Variants in MESD observed in about 807,000 individuals in gnomAD.
MESD encodes the protein LRP chaperone MESD.
Under a neutral mutation model 12.9 loss-of-function variants are expected in MESD, and 7 were observed. The observed-to-expected ratio is 0.54, with a 90% CI of 0.31 to 1.02. MESD has a LOEUF of 1.02. MESD is among the 50% of genes least tolerant of loss of function. The pLI, the probability that MESD is intolerant of heterozygous loss-of-function variation, is 0.05. For synonymous variants in MESD, 126 were observed against 115.6 expected, an observed-to-expected ratio of 1.09 and a Z score of -0.58; for missense variants, 342 against 296.7, an observed-to-expected ratio of 1.15 and a Z score of -1.12.
At chr15:80,975,165 T>C (rs1398685223), downstream of MESD, among the ~76,000 whole-genome samples, 1 of 145,288 alleles carries the variant, frequency 6.9e-6, no homozygotes, top group African/African-American at 2.5e-5. Context: ...GAGGATTGCT[T>C]GAGGACCAGC....
intron 1 of MESD, among the ~76,000 whole-genome samples, chr15:80,988,272 G>T (rs1260726649): frequency 6.6e-6 from 1 of 152,166 alleles, no homozygotes; most frequent in Non-Finnish European, 1.5e-5. Flanking sequence ...CTCATGGATG[G>T]GGTAAAAGGA....
chr15:80,962,405 C>T (rs938730011), intron 3 of MESD, among the ~76,000 whole-genome samples: 8 of 152,146 alleles, frequency 5.3e-5, no homozygotes, highest in African/African-American at 9.7e-5. Context: ...GACTTTAACA[C>T]GCCACTGTCA....
At chr15:80,986,795 G>A (rs9806417) in intron 1 of MESD, among the ~76,000 whole-genome samples, 35,786 of 152,104 alleles carry the variant, frequency 0.24, 4,647 homozygotes, top group Middle Eastern at 0.37. Flanking sequence ...GTCTAAGTCA[G>A]TAGCTACAAA....
chr15:80,979,162 T>C lies in MESD; in HGVS notation c.*57A>G. The C allele has an allele frequency of 6.4e-7, 1 of 1,565,654 alleles. No individual in the cohort carries two copies. Among genetic ancestry groups the C allele is most frequent in the Non-Finnish European group, 8.6e-7 (1 of 1,156,844 alleles). ...CTGAGACCACTCCCACCCCAGGAGCTGGGCAAAGAGCTCTCCACGTCCACC... is the reference window on the plus strand; with the variant it reads ...CTGAGACCACTCCCACCCCAGGAGCCGGGCAAAGAGCTCTCCACGTCCACC... On this transcript the variant is annotated 3_prime_UTR_variant, in exon 3 of 3. Transcript: ENST00000261758.
chr15:80,988,857 G>C (rs1893220400), intron 1 of MESD, among the ~76,000 whole-genome samples: 1 of 149,448 alleles, frequency 6.7e-6, no homozygotes, highest in Non-Finnish European at 1.5e-5. Context: ...GGAAAAGGCA[G>C]CAATGTGGTT....
At chr15:80,956,995 TTTA>T (rs1902001334) in intron 3 of MESD, among the ~76,000 whole-genome samples, 2 of 151,592 alleles carry the variant, frequency 1.3e-5, no homozygotes, top group Admixed American at 6.6e-5. Context: ...TATTTATTTA[TTTA>T]TTTTTTTGTA....
rs1902495555 is a variant in MESD, at chr15:80,978,931, C to G, written c.*288G>C. The G allele has an allele frequency of 2.2e-6, 1 of 447,338 alleles. No individual in the cohort carries two copies. Among genetic ancestry groups the G allele is most frequent in the East Asian group, 4.1e-5 (1 of 24,340 alleles). The allele number at this position is 447,338 out of a possible 1,614,324, so 27.7% of individuals were successfully genotyped here. On this transcript the variant is annotated 3_prime_UTR_variant, in exon 3 of 3. Coordinates refer to ENST00000261758, the MANE Select transcript of MESD (RefSeq NM_015154.3). ...AATCTCAGTAGAGTTGATGACTCACCAAGTGTAAATGGGAAAAAGCAACAC... is the reference window on the plus strand; with the variant it reads ...AATCTCAGTAGAGTTGATGACTCACGAAGTGTAAATGGGAAAAAGCAACAC...
At chr15:80,960,361 T>C (rs566263834) in intron 3 of MESD, among the ~76,000 whole-genome samples, 9 of 137,508 alleles carry the variant, frequency 6.5e-5, no homozygotes, top group African/African-American at 2.4e-4. Flanking sequence ...CAACATCCTG[T>C]GTTTAAAAAA....
intron 1 of MESD, among the ~76,000 whole-genome samples, chr15:80,989,311 G>A (rs185822380): frequency 1.4e-4 from 21 of 152,330 alleles, no homozygotes; most frequent in Admixed American, 9.8e-4. Context: ...TGAACAGTGA[G>A]GGGCAGATCC....
At chr15:80,983,217 T>A (rs116791225) in intron 1 of MESD, among the ~76,000 whole-genome samples, 9,482 of 150,826 alleles carry the variant, frequency 0.063, 367 homozygotes, top group Middle Eastern at 0.18. Context: ...CATTCCAGCC[T>A]GGGAGACAGA....
At chr15:80,954,041 G>C (rs1329915111) in intron 3 of MESD, among the ~76,000 whole-genome samples, 4 of 152,062 alleles carry the variant, frequency 2.6e-5, no homozygotes, top group South Asian at 4.1e-4. Context: ...ACTGGCTCAA[G>C]GATCTTAGAG....
rs1443383026 is a variant in MESD at position 80,976,678 on chromosome 15, G to C, written c.*2541C>G. 1 of 152,120 alleles carries C rather than the reference G, an allele frequency of 6.6e-6. No individual in the cohort carries two copies. The highest frequency in any genetic ancestry group is 1.5e-5 in the Non-Finnish European group (1 of 68,034). The allele number at this position is 152,120 out of a possible 1,614,324, so 9.4% of individuals were successfully genotyped here. ...GCAATTTGGCAATACACACCAAAAT[G>C]TTAAATTCCGTTTGCTCTAATAATT... On this transcript the variant is annotated 3_prime_UTR_variant, in exon 3 of 3. Coordinates refer to ENST00000261758, the MANE Select transcript of MESD (RefSeq NM_015154.3).
At chr15:80,987,592 G>A (rs1198175365) in intron 1 of MESD, among the ~76,000 whole-genome samples, 2 of 151,764 alleles carry the variant, frequency 1.3e-5, no homozygotes, top group East Asian at 1.9e-4. Context: ...TGGTTCAAGC[G>A]ATTCTTGTGC....
chr15:80,951,186 G>A (rs1274751085), intron 4 of MESD: 1 of 152,668 alleles, frequency 6.6e-6, no homozygotes, highest in Non-Finnish European at 1.5e-5. Context: ...CTCACACTGT[G>A]AACCACTTAG....
At chr15:80,964,222 T>G (rs545360876) in intron 3 of MESD, among the ~76,000 whole-genome samples, 2 of 152,094 alleles carry the variant, frequency 1.3e-5, no homozygotes, top group African/African-American at 4.8e-5. Context: ...TGAACTCCCA[T>G]TCACACTACA....
intron 3 of MESD, among the ~76,000 whole-genome samples, chr15:80,965,796 C>T (rs1004237390): frequency 6.6e-6 from 1 of 152,034 alleles, no homozygotes; most frequent in Non-Finnish European, 1.5e-5. Context: ...CACACCAGGG[C>T]CTATTGTGGG....
At position 80,982,044 on chromosome 15, in the gene MESD, C is replaced by G; in HGVS notation, c.352G>C (p.Val118Leu). The G allele has an allele frequency of 1.2e-6, 2 of 1,614,140 alleles. No individual in the cohort carries two copies. Among genetic ancestry groups the G allele is most frequent in the South Asian group, 1.1e-5 (1 of 91,080 alleles). Residue 118 changes from valine (V) to leucine (L), a missense_variant, in exon 2 of 3, where the codon GTC (valine) becomes CTC (leucine). Coordinates refer to ENST00000261758, the MANE Select transcript of MESD (RefSeq NM_015154.3). The stretch of plus-strand genomic sequence containing the variant: ...TCAGTAGGGCTTCCTGATACAGTGA[C>G]AAACATCATGAGAGTCTTCCCTTTT... ...TKKGKTLMMF[V>L]TVSGSPTEKE... is the part of the protein sequence containing the mutation.
intron 2 of MESD, among the ~76,000 whole-genome samples, chr15:80,980,317 A>T (rs916993530): frequency 2.0e-5 from 3 of 152,190 alleles, no homozygotes; most frequent in African/African-American, 7.2e-5. Context: ...AAACCAGAAT[A>T]TTTGCAGACC....
chr15:80,971,437 C>T (rs915058608), downstream of MESD, among the ~76,000 whole-genome samples: 2 of 152,166 alleles, frequency 1.3e-5, no homozygotes, highest in Non-Finnish European at 2.9e-5. Context: ...CTGAGCCCAG[C>T]GTTAGCAACA....
Sources: gnomAD v4.1 joint callset for allele counts (sites outside exome capture counted in the v4.1 genomes callset) on GRCh38, gnomAD v4.1.1 for gene constraint, MANE v1.5 for transcripts, NCBI Gene and HGNC (gene_info 2026-07-23, HGNC 2026-07-21) for gene names.